CLIC4: variants seen among roughly 807,000 people sequenced by gnomAD.
CLIC4 encodes the protein CLIC family member 4.
CLIC4 carries 13 observed loss-of-function variants against 24.6 expected under a neutral mutation model. That is an observed-to-expected ratio of 0.53 (90% CI 0.34 to 0.84). The LOEUF is 0.84. Among genes scored for constraint, CLIC4 ranks in the 40% least tolerant of loss-of-function variants. CLIC4 has a pLI of 0.01. For synonymous variants in CLIC4, 104 were observed against 111.3 expected (o/e 0.93, Z 0.41); for missense variants, 227 against 301.7 (o/e 0.75, Z 1.83).
chr1:24,794,720 A>G (rs1487926170), intron 1 of CLIC4, among the ~76,000 whole-genome samples: 2 of 152,054 alleles, frequency 1.3e-5, no homozygotes, highest in African/African-American at 4.8e-5. Context: ...CTGTTTGTCA[A>G]CTTTCGTTGC....
At chr1:24,753,375 A>T (rs1638803826) in intron 1 of CLIC4, among the ~76,000 whole-genome samples, 1 of 152,234 alleles carries the variant, frequency 6.6e-6, no homozygotes, top group Non-Finnish European at 1.5e-5. Flanking sequence ...AGGTTTACAA[A>T]TTTTATTGGA....
intron 4 of CLIC4, among the ~76,000 whole-genome samples, chr1:24,837,412 A>T (rs1209326569): frequency 6.6e-6 from 1 of 152,214 alleles, no homozygotes; most frequent in Non-Finnish European, 1.5e-5. Flanking sequence ...CTTATAATTA[A>T]AAAGAAAACT....
chr1:24,778,883 T>C (rs1009081050), intron 1 of CLIC4, among the ~76,000 whole-genome samples: 2 of 152,228 alleles, frequency 1.3e-5, no homozygotes, highest in African/African-American at 4.8e-5. Flanking sequence ...AAAGCCTTTC[T>C]TTACATCTTC....
chr1:24,829,723 TG>T (rs1192233144), intron 4 of CLIC4, among the ~76,000 whole-genome samples: 5 of 152,340 alleles, frequency 3.3e-5, no homozygotes, highest in Non-Finnish European at 5.9e-5. Flanking sequence ...TATATTTAGA[TG>T]GAGGCAAGGA....
intron 1 of CLIC4, among the ~76,000 whole-genome samples, chr1:24,771,608 T>C (rs1365023227): frequency 2.6e-5 from 4 of 152,156 alleles, no homozygotes; most frequent in Admixed American, 2.6e-4. Context: ...TTTTGGCAAA[T>C]TGGTGTGCAT....
chr1:24,765,146 T>A (rs1638978064), intron 1 of CLIC4, among the ~76,000 whole-genome samples: 1 of 152,228 alleles, frequency 6.6e-6, no homozygotes, highest in South Asian at 2.1e-4. Context: ...CCATTGACTG[T>A]TTTCTGTTGG....
At chr1:24,810,632 G>A (rs145161180) in intron 2 of CLIC4, among the ~76,000 whole-genome samples, 62 of 152,238 alleles carry the variant, frequency 4.1e-4, no homozygotes, top group African/African-American at 1.3e-3. Context: ...AATTAGCTGG[G>A]CTTGATGGAG....
intron 3 of CLIC4, among the ~76,000 whole-genome samples, chr1:24,814,849 C>T (rs1049369553): frequency 2.0e-4 from 31 of 152,138 alleles, no homozygotes; most frequent in African/African-American, 7.5e-4. Context: ...TTAGGCTTTT[C>T]CAGTTTCATT....
chr1:24,799,069 C>T (rs1032455823), intron 2 of CLIC4, among the ~76,000 whole-genome samples: 1 of 152,124 alleles, frequency 6.6e-6, no homozygotes, highest in Non-Finnish European at 1.5e-5. Context: ...GCCGCCACCC[C>T]ATCTGGGAAG....
At chr1:24,750,177 G>C (rs900458203) in intron 1 of CLIC4, among the ~76,000 whole-genome samples, 3 of 152,132 alleles carry the variant, frequency 2.0e-5, no homozygotes, top group African/African-American at 7.2e-5. Context: ...CCAGGAGTTC[G>C]AGGCTGCAGT....
intron 3 of CLIC4, among the ~76,000 whole-genome samples, chr1:24,815,531 A>C (rs1639659127): frequency 6.6e-6 from 1 of 152,146 alleles, no homozygotes; most frequent in Non-Finnish European, 1.5e-5. Context: ...AAAAATGCTA[A>C]TGGTTATCTG....
chr1:24,828,520 T>G (rs899773545), intron 4 of CLIC4, among the ~76,000 whole-genome samples: 1 of 152,228 alleles, frequency 6.6e-6, no homozygotes, highest in Admixed American at 6.5e-5. Context: ...CTTTTATACT[T>G]AGATGCCCCT....
chr1:24,751,324 C>T (rs984798185), intron 1 of CLIC4, among the ~76,000 whole-genome samples: 9 of 151,568 alleles, frequency 5.9e-5, no homozygotes, highest in South Asian at 2.1e-4. Context: ...ATTCTCCTGC[C>T]GCAGACTCCC....
intron 3 of CLIC4, among the ~76,000 whole-genome samples, chr1:24,815,457 G>A (rs550191785): frequency 9.2e-5 from 14 of 152,290 alleles, no homozygotes; most frequent in African/African-American, 2.6e-4. Flanking sequence ...AGCCAAGATC[G>A]TGCCACTGCA....
chr1:24,758,036 G>A (rs549671581), intron 1 of CLIC4, among the ~76,000 whole-genome samples: 1 of 152,210 alleles, frequency 6.6e-6, no homozygotes, highest in East Asian at 1.9e-4. Context: ...TGTGATTACA[G>A]GTGTGAGCCA....
chr1:24,755,071 C>CAAAA lies in CLIC4; in HGVS notation c.72+9459_72+9462dup, dbSNP rs35295371. Reference sequence around the variant, plus strand: ...TGGACGACAGAGTAAGACTCCGTCTCAAAAAAAAAAAAAAAATTATAGGCT... The same window carrying CAAAA: ...TGGACGACAGAGTAAGACTCCGTCTCAAAAAAAAAAAAAAAAAAAATTATAGGCT... On this transcript the variant is annotated intron_variant, in intron 1 of 5. Transcript: ENST00000374379. 2.7e-5 allele frequency among the ~76,000 whole-genome samples: 3 copies of CAAAA among 112,842 alleles called. No homozygotes were observed. In the South Asian group the frequency reaches 8.6e-4, roughly 32 times the overall value. 74.0% of individuals were successfully genotyped at this position (112,842 alleles called of 152,430 possible). A position where few individuals can be genotyped will look rare whatever the true frequency, so the allele number is the denominator to read the frequency against.
intron 4 of CLIC4, among the ~76,000 whole-genome samples, chr1:24,835,113 C>T (rs1250683297): frequency 1.3e-5 from 2 of 152,134 alleles, no homozygotes; most frequent in Admixed American, 6.5e-5. Flanking sequence ...TTCCAGTGCC[C>T]TCTGCTGGTT....
intron 1 of CLIC4, among the ~76,000 whole-genome samples, chr1:24,749,597 T>C (rs1638749253): frequency 6.6e-6 from 1 of 152,202 alleles, no homozygotes; most frequent in Non-Finnish European, 1.5e-5. Context: ...CAGGATGGTT[T>C]TTTTGGTTTG....
chr1:24,799,491 G>A (rs1639449091), intron 2 of CLIC4, among the ~76,000 whole-genome samples: 1 of 147,782 alleles, frequency 6.8e-6, no homozygotes, highest in Non-Finnish European at 1.5e-5. Context: ...CTCTCCACCC[G>A]GCAGCCACCC....
Sources: allele counts gnomAD v4.1 joint callset (sites outside exome capture counted in the v4.1 genomes callset), GRCh38; gene constraint gnomAD v4.1.1; transcripts MANE v1.5; gene names NCBI Gene and HGNC (gene_info 2026-07-23, HGNC 2026-07-21).